GNA13: variants seen among roughly 807,000 people sequenced by gnomAD.
GNA13 encodes the protein G protein subunit alpha 13, also known as guanine nucleotide-binding protein subunit alpha-13.
A neutral mutation model predicts 33.5 loss-of-function variants in GNA13; 4 were observed. The ratio of observed to expected loss-of-function variants is 0.12; its 90% CI spans 0.06 to 0.27. GNA13 has a LOEUF of 0.27. Among genes scored for constraint, GNA13 ranks in the 10% least tolerant of loss-of-function variants. GNA13 has a pLI of 1.00. For synonymous variants in GNA13, 176 were observed against 183.8 expected (o/e 0.96, Z 0.34); for missense variants, 319 against 487.2 (o/e 0.65, Z 3.25).
rs1306600481 is a variant in GNA13 at position 65,011,878 on chromosome 17, T to C, written c.*2379A>G. ...TTTCAAAAGGATTCAGTTTTCATGA[T>C]ACAGGTGTAAGACTCCTTTCAAACG... On this transcript the variant is annotated 3_prime_UTR_variant, in exon 4 of 4. Transcript: ENST00000439174. 4.4e-6 allele frequency: 1 copy of C among 227,890 alleles called. No individual in the cohort carries two copies. The highest frequency in any genetic ancestry group is 8.7e-6 in the Non-Finnish European group (1 of 114,784). 14.1% of individuals were successfully genotyped at this position (227,890 alleles called of 1,614,324 possible). A position where few individuals can be genotyped will look rare whatever the true frequency, so the allele number is the denominator to read the frequency against.
At chr17:65,038,171 G>A (rs1321804516) in intron 2 of GNA13, among the ~76,000 whole-genome samples, 1 of 152,158 alleles carries the variant, frequency 6.6e-6, no homozygotes, top group Non-Finnish European at 1.5e-5. Flanking sequence ...TTGGGAGGCC[G>A]AGGCAGACAG....
At position 65,014,341 on chromosome 17, in the gene GNA13, G is replaced by A. The variant is rs761720196; in HGVS notation, c.1050C>T (p.Ile350=). The A allele has an allele frequency of 3.5e-5, 56 of 1,613,622 alleles. No homozygotes were observed. The highest frequency in any genetic ancestry group is 4.5e-5 in the Non-Finnish European group (53 of 1,179,528). ...AAACAAGGCGGATGTTCTCCGTGTT[G>A]ATAGCAGTGGTGAAGTGGTGGTATA... ...KPLYHHFTTA[I]NTENIRLVFR... Residue 350 remains isoleucine, a synonymous_variant, in exon 4 of 4, where the codon ATC becomes ATT. Coordinates refer to ENST00000439174, the MANE Select transcript of GNA13 (RefSeq NM_006572.6). This position sits in a 1 kb window ranked among gnomAD's most constrained non-coding sequence, Gnocchi z 5.3.
chr17:65,032,243 C>T (rs763199493), intron 2 of GNA13, among the ~76,000 whole-genome samples: 32 of 152,142 alleles, frequency 2.1e-4, no homozygotes, highest in Non-Finnish European at 4.3e-4. Context: ...GAGGATATGG[C>T]TAGTAAAAAG....
chr17:65,042,452 G>A (rs1428876915), intron 2 of GNA13, among the ~76,000 whole-genome samples: 2 of 151,602 alleles, frequency 1.3e-5, no homozygotes, highest in Non-Finnish European at 2.9e-5. Context: ...AATGTAACAC[G>A]GTGGCTGGGC....
intron 2 of GNA13, among the ~76,000 whole-genome samples, chr17:65,024,192 C>A (rs1039279257): frequency 6.6e-6 from 1 of 152,098 alleles, no homozygotes; most frequent in African/African-American, 2.4e-5. Flanking sequence ...GTTGAGGCTG[C>A]AATGAGCTGT....
intron 2 of GNA13, among the ~76,000 whole-genome samples, chr17:65,044,228 T>C (rs1907572284): frequency 6.6e-6 from 1 of 152,216 alleles, no homozygotes; most frequent in African/African-American, 2.4e-5. Flanking sequence ...CGCAACAGAT[T>C]GGTACTTTGG....
At chr17:65,036,546 A>C (rs1907256118) in intron 2 of GNA13, among the ~76,000 whole-genome samples, 1 of 152,194 alleles carries the variant, frequency 6.6e-6, no homozygotes, top group African/African-American at 2.4e-5. Context: ...TCTCTATTAA[A>C]ACTACAAAAA....
At chr17:65,018,378 C>CTGTCT in intron 2 of GNA13, 75 bp from the exon 3 acceptor site, 2 of 822,710 alleles carry the variant, frequency 2.4e-6, no homozygotes, top group Non-Finnish European at 4.3e-6. Flanking sequence ...TTACATCATA[C>CTGTCT]TGTCTGGTTG....
intron 2 of GNA13, among the ~76,000 whole-genome samples, chr17:65,020,708 T>C (rs1906551369): frequency 6.6e-6 from 1 of 151,740 alleles, no homozygotes; most frequent in Admixed American, 6.6e-5. Context: ...TGGGGTGCAA[T>C]GGCGCGATCT....
intron 2 of GNA13, among the ~76,000 whole-genome samples, chr17:65,052,808 T>C (rs944098745): frequency 6.6e-6 from 1 of 152,192 alleles, no homozygotes; most frequent in African/African-American, 2.4e-5. Flanking sequence ...GTGGGCACAT[T>C]ACCTGAGGTC....
intron 2 of GNA13, among the ~76,000 whole-genome samples, chr17:65,040,975 GT>G (rs1907430567): frequency 6.6e-6 from 1 of 152,000 alleles, no homozygotes; most frequent in African/African-American, 2.4e-5. Context: ...TTCCATAAAT[GT>G]TTCTTTTATT....
rs763855583 is a variant in GNA13, at chr17:65,056,452, G to C, written c.142C>G (p.Leu48Val). Residue 48 changes from leucine to valine, a missense_variant, in exon 1 of 4, where the codon CTG becomes GTG. Leu to Val is a conservative substitution (Grantham distance 32, BLOSUM62 1). This residue lies in a region of GNA13 where 47 missense variants were observed against 64.7 expected (regional missense o/e 0.73). Coordinates refer to ENST00000439174, the MANE Select transcript of GNA13 (RefSeq NM_006572.6). ...GCGCCCAGCAGCAGGATCTTCACCA[G>C]CCGCTTCACATAGGTCTTTTCCCGA... is the stretch of plus-strand genomic sequence containing the variant. ...LSREKTYVKR[L>V]VKILLLGAGE... The C allele has an allele frequency of 1.2e-6, 2 of 1,613,882 alleles. No individual in the cohort carries two copies. The highest frequency in any genetic ancestry group is 1.7e-6 in the Non-Finnish European group (2 of 1,179,914).
At chr17:65,042,626 A>G (rs1030356749) in intron 2 of GNA13, among the ~76,000 whole-genome samples, 1 of 151,910 alleles carries the variant, frequency 6.6e-6, no homozygotes, top group African/African-American at 2.4e-5. Context: ...AGTCCCAGCT[A>G]CTTGGGAGGC....
rs1906211017 is a variant in GNA13 at position 65,012,151 on chromosome 17, A to AT, written c.*2105_*2106insA. 1 of 223,180 alleles carries AT rather than the reference A, an allele frequency of 4.5e-6. No individual in the cohort carries two copies. The highest frequency in any genetic ancestry group is 8.9e-6 in the Non-Finnish European group (1 of 111,828). 13.8% of individuals were successfully genotyped at this position (223,180 alleles called of 1,614,324 possible). On this transcript the variant is annotated 3_prime_UTR_variant, in exon 4 of 4. Coordinates refer to ENST00000439174, the MANE Select transcript of GNA13 (RefSeq NM_006572.6). ...TCTTGGTGGTAATTCAAAAGGGGGA[A>AT]ACTTGGTGATTTCTGCTTTGTCAGG... is the stretch of plus-strand genomic sequence containing the variant.
chr17:65,025,162 T>A (rs1192038941), intron 2 of GNA13, among the ~76,000 whole-genome samples: 2 of 152,072 alleles, frequency 1.3e-5, no homozygotes, highest in African/African-American at 4.8e-5. Flanking sequence ...CCTCCGGGAG[T>A]GCTGGGATTA....
intron 2 of GNA13, among the ~76,000 whole-genome samples, chr17:65,050,424 T>G (rs866681964): frequency 6.6e-6 from 1 of 151,700 alleles, no homozygotes; most frequent in South Asian, 2.1e-4. Flanking sequence ...TCTCTATGTG[T>G]CAGGTGCTAT....
At chr17:65,019,882 T>C (rs1276974981) in intron 2 of GNA13, among the ~76,000 whole-genome samples, 1 of 152,236 alleles carries the variant, frequency 6.6e-6, no homozygotes, top group Admixed American at 6.5e-5. Flanking sequence ...ATACCCTATC[T>C]TCCATGAGTG....
At chr17:65,027,333 A>G (rs1188049522) in intron 2 of GNA13, among the ~76,000 whole-genome samples, 2 of 137,984 alleles carry the variant, frequency 1.4e-5, no homozygotes, top group Non-Finnish European at 1.5e-5. Context: ...TTTTTTAAAG[A>G]GATAGGTTTT....
At position 65,014,921 on chromosome 17, in the gene GNA13, A is replaced by T; in HGVS notation, c.562-92T>A. 1.4e-6 allele frequency: 1 copy of T among 695,232 alleles called. No homozygotes were observed. Among genetic ancestry groups the T allele is most frequent in the South Asian group, 1.8e-5 (1 of 54,622 alleles). 43.1% of individuals were successfully genotyped at this position (695,232 alleles called of 1,614,324 possible). On this transcript the variant is annotated intron_variant, in intron 3 of 3. Coordinates refer to ENST00000439174, the MANE Select transcript of GNA13 (RefSeq NM_006572.6). The surrounding 1 kb of genome is among the most constrained non-coding windows in gnomAD (Gnocchi z 5.3). ...TAACTGGACTAGTGAATAGATATGC[A>T]AACAAAATGATCTTTTAAGTGACAT...
Sources: allele counts gnomAD v4.1 joint callset (sites outside exome capture counted in the v4.1 genomes callset), GRCh38; gene constraint gnomAD v4.1.1; regional missense constraint gnomAD v4.1.1; non-coding constraint Gnocchi (gnomAD v3.1); transcripts MANE v1.5; gene names NCBI Gene and HGNC (gene_info 2026-07-23, HGNC 2026-07-21).